Variants in CMPK1 observed in about 807,000 individuals in gnomAD.
The protein encoded by CMPK1 is cytidine/uridine monophosphate kinase 1, also known as UMP-CMP kinase.
Under a neutral mutation model 25.7 loss-of-function variants are expected in CMPK1, and 10 were observed. That is an observed-to-expected ratio of 0.39 (90% CI 0.24 to 0.66). The LOEUF is 0.66. CMPK1 is among the 30% of genes least tolerant of loss of function. CMPK1 has a pLI of 0.48. For synonymous variants in CMPK1, 106 were observed against 101.5 expected, an observed-to-expected ratio of 1.04 and a Z score of -0.27; for missense variants, 199 against 280.5, an observed-to-expected ratio of 0.71 and a Z score of 2.08.
chr1:47,358,739 C>T (rs1369471878), intron 1 of CMPK1: 3 of 984,294 alleles, frequency 3.0e-6, no homozygotes, highest in African/African-American at 3.5e-5. Flanking sequence ...AAATTTATTT[C>T]CCCATTAGTT....
At chr1:47,346,143 G>C (rs775785999) in intron 1 of CMPK1, among the ~76,000 whole-genome samples, 99 of 151,384 alleles carry the variant, frequency 6.5e-4, no homozygotes, top group Non-Finnish European at 1.3e-3. Context: ...TCTGCCTCCC[G>C]GGTTCAAGAG....
intron 1 of CMPK1, among the ~76,000 whole-genome samples, chr1:47,357,792 G>GT (rs1261021452): frequency 1.3e-5 from 2 of 151,952 alleles, no homozygotes; most frequent in Admixed American, 6.6e-5. Context: ...CCAATCTGTT[G>GT]TTTTTTATGT....
In CMPK1 at chr1:47,343,507, C is replaced by CA. The variant is rs10717198; in HGVS notation, c.171+9403dup. 1.5e-4 allele frequency among the ~76,000 whole-genome samples: 21 copies of CA among 143,346 alleles called. No individual in the cohort carries two copies. The East Asian group carries it at 2.4e-3, about 17-fold the overall frequency. 94.0% of individuals were successfully genotyped at this position (143,346 alleles called of 152,430 possible). A position where few individuals can be genotyped will look rare whatever the true frequency, so the allele number is the denominator to read the frequency against. ...TGGGCAACAGAGTGAGACTCCGTCT[C>CA]AAAAAAAAAAAAGTCTCAAAAAAAC... On this transcript the variant is annotated intron_variant, in intron 1 of 5. Coordinates refer to ENST00000371873, the MANE Select transcript of CMPK1 (RefSeq NM_016308.3).
chr1:47,345,487 A>G (rs1050873166), intron 1 of CMPK1, among the ~76,000 whole-genome samples: 3 of 146,836 alleles, frequency 2.0e-5, no homozygotes, highest in Admixed American at 1.4e-4. Flanking sequence ...AAAAGTAGCA[A>G]TTTAATTTCT....
intron 1 of CMPK1, among the ~76,000 whole-genome samples, chr1:47,352,006 G>A (rs944768543): frequency 6.6e-6 from 1 of 152,048 alleles, no homozygotes; most frequent in Non-Finnish European, 1.5e-5. Flanking sequence ...GCATGGTGTT[G>A]CACATCCGTA....
chr1:47,339,701 CTTTT>C (rs71053104), intron 1 of CMPK1, among the ~76,000 whole-genome samples: 2 of 109,946 alleles, frequency 1.8e-5, no homozygotes, highest in African/African-American at 3.4e-5. Context: ...TCTTCCTTTC[CTTTT>C]TTTTTTTTTT....
At chr1:47,337,993 A>C (rs1256257894) in intron 1 of CMPK1, among the ~76,000 whole-genome samples, 1 of 151,986 alleles carries the variant, frequency 6.6e-6, no homozygotes, top group East Asian at 1.9e-4. Context: ...ATATTTTTTT[A>C]TACAGGCAAT....
chr1:47,369,006 TTTTTG>T lies in CMPK1; in HGVS notation c.318+407_318+411del, dbSNP rs558042251. On this transcript the variant is annotated intron_variant, in intron 2 of 5. Coordinates refer to ENST00000371873, the MANE Select transcript of CMPK1 (RefSeq NM_016308.3). The stretch of plus-strand genomic sequence containing the variant: ...ATGTGTAATGAAAAATATCAAAGAT[TTTTTG>T]TTTTGTTTTGTTTTGAGACAGTGTC... Among the ~76,000 whole-genome samples, 457 of 152,028 alleles carry T rather than the reference TTTTTG, an allele frequency of 3.0e-3. 3 individuals are homozygous for T. The highest frequency in any genetic ancestry group is 0.01 in the African/African-American group (425 of 41,488).
intron 1 of CMPK1, among the ~76,000 whole-genome samples, chr1:47,363,975 G>A (rs962075706): frequency 3.9e-5 from 6 of 152,064 alleles, no homozygotes; most frequent in Non-Finnish European, 8.8e-5. Flanking sequence ...ACAGATAATA[G>A]ACTTACATAA....
At chr1:47,350,664 G>C (rs1285893557) in intron 1 of CMPK1, among the ~76,000 whole-genome samples, 1 of 152,090 alleles carries the variant, frequency 6.6e-6, no homozygotes. Context: ...GGAGGCTGAG[G>C]TGGGCGAATC....
In CMPK1 at chr1:47,339,058, T is replaced by G. The variant is rs909555258; in HGVS notation, c.171+4942T>G. On this transcript the variant is annotated intron_variant, in intron 1 of 5. Transcript: ENST00000371873. The stretch of plus-strand genomic sequence containing the variant: ...TAGCACCCAGAAAACTTTTTTTTTT[T>G]TTTTTGAGAGAGGGTCTCACTCTGT... Among the ~76,000 whole-genome samples, 47 of 151,692 alleles carry G rather than the reference T, an allele frequency of 3.1e-4. 1 individual carries two copies. Among genetic ancestry groups the G allele is most frequent in the African/African-American group, 1.1e-3 (47 of 41,258 alleles).
At chr1:47,373,755 C>T (rs1646691137) in intron 3 of CMPK1, among the ~76,000 whole-genome samples, 1 of 150,858 alleles carries the variant, frequency 6.6e-6, no homozygotes, top group African/African-American at 2.4e-5. Flanking sequence ...AAGATGGCAC[C>T]ACTGCACTCC....
chr1:47,339,896 T>TG (rs1419178957), intron 1 of CMPK1, among the ~76,000 whole-genome samples: 1 of 151,488 alleles, frequency 6.6e-6, no homozygotes, highest in African/African-American at 2.4e-5. Context: ...TTAGTAGAGA[T>TG]GGGGTTTCAC....
Position 47,334,050 on chromosome 1 carries a change from G to A in CMPK1, c.105G>A (p.Pro35=). ...TCTGCTCTCCACGTCTCATGAAGCC[G>A]CTGGTCGTGTTCGTCCTCGGCGGCC... ...ILLCSPRLMK[P]LVVFVLGGPG... Residue 35 remains proline (P), a synonymous_variant, in exon 1 of 6, where the codon CCG becomes CCA. Transcript: ENST00000371873. The A allele has an allele frequency of 6.4e-7, 1 of 1,551,524 alleles. No homozygotes were observed. Among genetic ancestry groups the A allele is most frequent in the Non-Finnish European group, 8.7e-7 (1 of 1,148,634 alleles).
chr1:47,362,184 T>TTC (rs1646607889), intron 1 of CMPK1, among the ~76,000 whole-genome samples: 2 of 150,200 alleles, frequency 1.3e-5, no homozygotes, highest in Admixed American at 6.7e-5. Context: ...TTTTTTTTTT[T>TTC]TCGAGACGGA....
chr1:47,366,898 G>A (rs1244757143), intron 1 of CMPK1, among the ~76,000 whole-genome samples: 2 of 151,996 alleles, frequency 1.3e-5, no homozygotes, highest in Admixed American at 6.6e-5. Flanking sequence ...CTAATTTTTT[G>A]TATTTTTAGT....
intron 1 of CMPK1, among the ~76,000 whole-genome samples, chr1:47,365,175 T>A (rs1184917129): frequency 6.6e-6 from 1 of 152,136 alleles, no homozygotes; most frequent in Non-Finnish European, 1.5e-5. Context: ...AGTGGCAATT[T>A]CTAATTGCCA....
chr1:47,368,236 G>A (rs1463194166), intron 1 of CMPK1, among the ~76,000 whole-genome samples: 5 of 152,042 alleles, frequency 3.3e-5, no homozygotes, highest in South Asian at 2.1e-4. Context: ...GAGCCACTAC[G>A]CCCAGCCAGG....
At chr1:47,375,157 ATAGATACC>A (rs778487021) in intron 4 of CMPK1, 32 bp from the exon 5 acceptor site, 10 of 1,470,382 alleles carry the variant, frequency 6.8e-6, no homozygotes, top group Non-Finnish European at 9.5e-6. Flanking sequence ...AGAAGAAAGG[ATAGATACC>A]TAGAACCTTG....
Sources: allele counts gnomAD v4.1 joint callset (sites outside exome capture counted in the v4.1 genomes callset), GRCh38; gene constraint gnomAD v4.1.1; transcripts MANE v1.5; gene names NCBI Gene and HGNC (gene_info 2026-07-23, HGNC 2026-07-21).